MYO10: variants seen among roughly 807,000 people sequenced by gnomAD.
MYO10 encodes the protein myosin X, also known as unconventional myosin-X.
MYO10 carries 133 observed loss-of-function variants against 257.3 expected under a neutral mutation model. The ratio of observed to expected loss-of-function variants is 0.52; its 90% CI spans 0.45 to 0.60. MYO10 has a LOEUF of 0.60. Among genes scored for constraint, MYO10 ranks in the 20% least tolerant of loss-of-function variants. The probability of loss-of-function intolerance (pLI) is 0.00; values close to 1 mark genes in which losing one functional copy is unlikely to be tolerated. For synonymous variants in MYO10, 1,104 were observed against 1,028.6 expected (o/e 1.07, Z -1.40); for missense variants, 2,399 against 2,635.7 (o/e 0.91, Z 1.97).
At chr5:16,829,409 A>G (rs1469847509) in intron 2 of MYO10, among the ~76,000 whole-genome samples, 2 of 152,170 alleles carry the variant, frequency 1.3e-5, no homozygotes, top group East Asian at 3.9e-4. Context: ...GCAAGATGCA[A>G]TTCAACAGAA....
At chr5:16,861,255 TAA>T (rs542471277) in intron 2 of MYO10, among the ~76,000 whole-genome samples, 1 of 112,166 alleles carries the variant, frequency 8.9e-6, no homozygotes, top group Non-Finnish European at 1.8e-5. Flanking sequence ...CCTACAGCAA[TAA>T]AAAAAAAAAA....
chr5:16,800,918 A>G (rs78543776), intron 3 of MYO10, among the ~76,000 whole-genome samples: 3,059 of 152,142 alleles, frequency 0.02, 93 homozygotes, highest in African/African-American at 0.071. Flanking sequence ...TACACACCAT[A>G]TATCACATCA....
chr5:16,866,322 T>C (rs1221980686), intron 2 of MYO10, among the ~76,000 whole-genome samples: 1 of 152,234 alleles, frequency 6.6e-6, no homozygotes, highest in Middle Eastern at 3.2e-3. Context: ...GAAAAACATT[T>C]GTATTTTGTT....
At chr5:16,889,814 C>A (rs569903201) in intron 1 of MYO10, among the ~76,000 whole-genome samples, 1 of 151,678 alleles carries the variant, frequency 6.6e-6, no homozygotes, top group Non-Finnish European at 1.5e-5. Flanking sequence ...TTGCACTCTG[C>A]GTGAAATCTG....
chr5:16,818,153 C>A lies in MYO10; in HGVS notation c.135G>T (p.Lys45Asn). The A allele has an allele frequency of 6.3e-7, 1 of 1,579,748 alleles. No individual in the cohort carries two copies. The highest frequency in any genetic ancestry group is 1.3e-5 in the African/African-American group (1 of 74,290). The change falls in exon 3 of 41, where the codon AAG (lysine) becomes AAT (asparagine). Residue 45 changes from lysine to asparagine, a missense_variant. Transcript: ENST00000513610. ...CCTTCTGGTGGGTAATTGTGCTCTG[C>A]TTGTAAGTGAATACCTGAGGGAGGG... Reference protein sequence around the residue: ...RTDYGQVFTYKQSTITHQKVT... With the variant: ...RTDYGQVFTYNQSTITHQKVT...
At chr5:16,745,591 G>C (rs7730593) in intron 19 of MYO10, among the ~76,000 whole-genome samples, 2 of 151,928 alleles carry the variant, frequency 1.3e-5, no homozygotes, top group African/African-American at 4.8e-5. Flanking sequence ...TGGGAGGCTG[G>C]GGCAGGAGAT....
chr5:16,796,483 G>GAAAGAGA (rs1741975964), intron 3 of MYO10, among the ~76,000 whole-genome samples: 1 of 136,862 alleles, frequency 7.3e-6, no homozygotes, highest in Non-Finnish European at 1.6e-5. Context: ...GAAAAGAAAA[G>GAAAGAGA]AAAGAAAGAA....
intron 1 of MYO10, among the ~76,000 whole-genome samples, chr5:16,880,091 A>T (rs1245977004): frequency 6.6e-6 from 1 of 152,128 alleles, no homozygotes; most frequent in African/African-American, 2.4e-5. Flanking sequence ...GAGGCAGGAG[A>T]ATTGCTTGAA....
At chr5:16,922,794 G>A (rs975976718) in intron 1 of MYO10, among the ~76,000 whole-genome samples, 6 of 152,198 alleles carry the variant, frequency 3.9e-5, no homozygotes, top group African/African-American at 9.7e-5. Context: ...ACTCTGGGAC[G>A]CTGAGGAGGG....
rs3853120 is a variant in MYO10, at chr5:16,935,916, G to T, written c.-108C>A. The T allele has an allele frequency of 1.8e-5, 25 of 1,400,344 alleles. No individual in the cohort carries two copies. In the Middle Eastern group the frequency reaches 8.7e-4, roughly 49 times the overall value. The allele number at this position is 1,400,344 out of a possible 1,614,324, so 86.7% of individuals were successfully genotyped here. A position where few individuals can be genotyped will look rare whatever the true frequency, so the allele number is the denominator to read the frequency against. On this transcript the variant is annotated 5_prime_UTR_variant, in exon 1 of 41. Transcript: ENST00000513610. The stretch of plus-strand genomic sequence containing the variant: ...GTGTCACGGCGCCACTCCCGAGGAC[G>T]CGCGCCCGCGGGGCTCCCCTGCTGC...
At chr5:16,850,160 T>C (rs1425355719) in intron 2 of MYO10, among the ~76,000 whole-genome samples, 1 of 152,274 alleles carries the variant, frequency 6.6e-6, no homozygotes, top group Non-Finnish European at 1.5e-5. Context: ...TGCCTGGAGA[T>C]ATTAGGGAAA....
chr5:16,713,753 T>C (rs1424319498), intron 19 of MYO10, among the ~76,000 whole-genome samples: 1 of 152,212 alleles, frequency 6.6e-6, no homozygotes, highest in African/African-American at 2.4e-5. Context: ...GCAATTTCCT[T>C]TTCTGGTGAA....
intron 2 of MYO10, among the ~76,000 whole-genome samples, chr5:16,866,014 A>ACACACACACAC (rs1744236558): frequency 7.3e-6 from 1 of 136,484 alleles, no homozygotes; most frequent in African/African-American, 2.8e-5. Context: ...TATTTACCCA[A>ACACACACACAC]ACACACACAC....
At position 16,756,641 on chromosome 5, in the gene MYO10, C is replaced by T. The variant is rs546417117; in HGVS notation, c.1848+1477G>A. 4.6e-5 allele frequency among the ~76,000 whole-genome samples: 7 copies of T among 152,262 alleles called. No homozygotes were observed. In the East Asian group the frequency reaches 7.7e-4, roughly 17 times the overall value. On this transcript the variant is annotated intron_variant, in intron 18 of 40. Coordinates refer to ENST00000513610, the MANE Select transcript of MYO10 (RefSeq NM_012334.3). ...ATTTTGATACCATCTTAAATTCTCA[C>T]GAGGTGTCCTGTCCGGCTGGTGTTC...
chr5:16,870,989 A>G (rs764565218), intron 2 of MYO10, among the ~76,000 whole-genome samples: 9 of 152,168 alleles, frequency 5.9e-5, no homozygotes, highest in Non-Finnish European at 8.8e-5. Context: ...GACCTCAAAC[A>G]TGGTATTTCC....
At chr5:16,863,578 A>G (rs1397262243) in intron 2 of MYO10, among the ~76,000 whole-genome samples, 1 of 152,252 alleles carries the variant, frequency 6.6e-6, no homozygotes, top group East Asian at 1.9e-4. Flanking sequence ...AATGGTTTCA[A>G]TATGACTGTT....
chr5:16,681,358 G>T lies in MYO10; in HGVS notation c.4335C>A (p.Asn1445Lys). ...NALKLGTLVL[N>K]SLCSVVPPDE... ...CTGGGGGGACGACAGAGCAGAGGCT[G>T]TTGAGGACCAGGGTCCCCAGTTTGA... Residue 1445 changes from asparagine (N) to lysine (K), a missense_variant, in exon 32 of 41, where the codon AAC (asparagine) becomes AAA (lysine). Coordinates refer to ENST00000513610, the MANE Select transcript of MYO10 (RefSeq NM_012334.3). 6.2e-7 allele frequency: 1 copy of T among 1,613,956 alleles called. No homozygotes were observed. Among genetic ancestry groups the T allele is most frequent in the Non-Finnish European group, 8.5e-7 (1 of 1,179,878 alleles).
intron 2 of MYO10, among the ~76,000 whole-genome samples, chr5:16,864,524 G>A (rs115718979): frequency 2.1e-3 from 326 of 152,244 alleles, no homozygotes; most frequent in African/African-American, 7.4e-3. Context: ...ATTTGCGTTC[G>A]TGCATTTATC....
chr5:16,811,319 G>C (rs1370057704), intron 3 of MYO10, among the ~76,000 whole-genome samples: 3 of 152,132 alleles, frequency 2.0e-5, no homozygotes, highest in Non-Finnish European at 4.4e-5. Context: ...ATGTCTTTTA[G>C]ATATTACAAA....
Sources: gnomAD v4.1 joint callset for allele counts (sites outside exome capture counted in the v4.1 genomes callset) on GRCh38, gnomAD v4.1.1 for gene constraint, MANE v1.5 for transcripts, NCBI Gene and HGNC (gene_info 2026-07-23, HGNC 2026-07-21) for gene names.